Variants in MAP2K2 observed in about 807,000 individuals in gnomAD.
The protein encoded by MAP2K2 is dual specificity mitogen-activated protein kinase kinase 2.
A neutral mutation model predicts 43.7 loss-of-function variants in MAP2K2; 24 were observed. That is an observed-to-expected ratio of 0.55 (90% confidence interval 0.40 to 0.77). The LOEUF (loss-of-function observed/expected upper bound fraction) is 0.77. Ranked by LOEUF, MAP2K2 falls within the 30% of genes least tolerant of loss-of-function variation. The pLI is 0.00. For synonymous variants in MAP2K2, 244 were observed against 239.7 expected, an observed-to-expected ratio of 1.02 and a Z score of -0.17; for missense variants, 470 against 566.8, an observed-to-expected ratio of 0.83 and a Z score of 1.73.
Position 4,101,724 on chromosome 19 carries a change from C to T in MAP2K2, c.529-444G>A, listed in dbSNP as rs1342497896. ...AAGGACGATGTTTCCCCCAGGCCCGCCCTGGAAGCAGCATCCCGAGAAGTG... is the reference window on the plus strand; with the variant it reads ...AAGGACGATGTTTCCCCCAGGCCCGTCCTGGAAGCAGCATCCCGAGAAGTG... On this transcript the variant is annotated intron_variant, in intron 4 of 10. Transcript: ENST00000262948. The surrounding 1 kb of genome is among the most constrained non-coding windows in gnomAD (Gnocchi z 6.3). Among the ~76,000 whole-genome samples, 1 of 152,146 alleles carries T rather than the reference C, an allele frequency of 6.6e-6. No homozygotes were observed. Among genetic ancestry groups the T allele is most frequent in the Non-Finnish European group, 1.5e-5 (1 of 68,010 alleles).
chr19:4,117,929 TTTTTC>T (rs1202184282), intron 1 of MAP2K2, among the ~76,000 whole-genome samples: 1 of 152,006 alleles, frequency 6.6e-6, no homozygotes, highest in African/African-American at 2.4e-5. Flanking sequence ...AGCCTCCGTC[TTTTTC>T]TTTTCTTTTT....
chr19:4,123,234 G>A (rs2041323411), intron 1 of MAP2K2, among the ~76,000 whole-genome samples: 1 of 149,404 alleles, frequency 6.7e-6, no homozygotes, highest in African/African-American at 2.5e-5. Flanking sequence ...TTCTCTCCTT[G>A]GGGACACCCC....
chr19:4,094,591 G>A (rs1359643726), intron 9 of MAP2K2, 93 bp from the exon 10 acceptor site: 8 of 1,193,602 alleles, frequency 6.7e-6, no homozygotes, highest in Non-Finnish European at 9.7e-6. Context: ...TGTGGGCCGT[G>A]GTCGGAGGGG....
chr19:4,122,964 C>A (rs551163490), intron 1 of MAP2K2, among the ~76,000 whole-genome samples: 2 of 150,850 alleles, frequency 1.3e-5, no homozygotes, highest in East Asian at 4.0e-4. Context: ...CCCTCTGGAG[C>A]CCCCTTGCCC....
At chr19:4,123,747 T>A (rs2041334266) in intron 1 of MAP2K2, 37 bp downstream of exon 1, 1 of 1,444,788 alleles carries the variant, frequency 6.9e-7, no homozygotes, top group Non-Finnish European at 9.2e-7. Context: ...CCCTGCCCCG[T>A]GCACCCCAAG....
rs530689818 is a variant in MAP2K2, at chr19:4,114,687, G to A, written c.303+2732C>T. On this transcript the variant is annotated intron_variant, in intron 2 of 10. Transcript: ENST00000262948. ...GACTGGGCCAGGCGCGGTGGCTCAC[G>A]CCTGTAATCCCAGCAATCTGGGAGG... Among the ~76,000 whole-genome samples, 8 of 152,296 alleles carry A rather than the reference G, an allele frequency of 5.3e-5. No individual in the cohort carries two copies. The East Asian group carries it at 5.8e-4, about 11-fold the overall frequency.
intron 1 of MAP2K2, among the ~76,000 whole-genome samples, chr19:4,119,460 C>T (rs1042756931): frequency 6.6e-6 from 1 of 152,100 alleles, no homozygotes; most frequent in Non-Finnish European, 1.5e-5. Context: ...GGGTTCAAGC[C>T]ACCTGCCCAC....
At chr19:4,105,271 T>C (rs1342936431) in intron 3 of MAP2K2, among the ~76,000 whole-genome samples, 1 of 143,902 alleles carries the variant, frequency 6.9e-6, no homozygotes, top group Non-Finnish European at 1.5e-5. Context: ...TTTTTCTTTC[T>C]TTTTTTTTTT....
intron 2 of MAP2K2, among the ~76,000 whole-genome samples, chr19:4,112,843 T>C (rs578048162): frequency 6.6e-6 from 1 of 152,122 alleles, no homozygotes; most frequent in African/African-American, 2.4e-5. Flanking sequence ...AACTGAGAGG[T>C]GCTGGTGCTC....
intron 1 of MAP2K2, among the ~76,000 whole-genome samples, chr19:4,122,247 G>A (rs190021088): frequency 1.6e-3 from 21 of 12,776 alleles, no homozygotes; most frequent in Admixed American, 3.6e-3. Context: ...CCCCCATAGG[G>A]ACCCTCCCAC....
rs2145049814 is a variant in MAP2K2 at position 4,099,257 on chromosome 19, T to C, written c.863A>G (p.Glu288Gly). The change falls in exon 7 of 11, where the codon GAA becomes GGA. Residue 288 changes from glutamate to glycine, a missense_variant. By Grantham distance (98) the Glu-to-Gly change is moderately conservative. Around this residue, in one of 3 missense-constraint regions of MAP2K2, gnomAD observed 212 missense variants for 220.8 expected, o/e 0.96. Transcript: ENST00000262948. ...IFGRPVVDGE[E>G]GEPHSISPRP... Reference sequence around the variant, plus strand: ...AGGCGAGATGCTGTGAGGCTCTCCTTCTTCCCCGTCGACCACGGGCCGGCC... The same window carrying C: ...AGGCGAGATGCTGTGAGGCTCTCCTCCTTCCCCGTCGACCACGGGCCGGCC... The C allele has an allele frequency of 1.2e-6, 2 of 1,605,864 alleles. No homozygotes were observed. The highest frequency in any genetic ancestry group is 1.7e-6 in the Non-Finnish European group (2 of 1,176,776).
At chr19:4,105,952 T>C (rs1480955062) in intron 3 of MAP2K2, among the ~76,000 whole-genome samples, 1 of 152,160 alleles carries the variant, frequency 6.6e-6, no homozygotes, top group Non-Finnish European at 1.5e-5. Flanking sequence ...AGTGAGCACC[T>C]GGCCCCCGCA....
chr19:4,090,410 AC>A lies in MAP2K2; in HGVS notation c.*187del, dbSNP rs1264571851. On this transcript the variant is annotated 3_prime_UTR_variant, in exon 11 of 11. Transcript: ENST00000262948. ...AGCAGCGTCGCCCGTCCCCAGAGGC[AC>A]CCCGGCCAGGACGGGCAGGAGAGGA... The A allele has an allele frequency of 4.7e-6, 3 of 637,120 alleles. No homozygotes were observed. The highest frequency in any genetic ancestry group is 8.5e-6 in the Non-Finnish European group (3 of 352,104). The allele number at this position is 637,120 out of a possible 1,614,324, so 39.5% of individuals were successfully genotyped here.
At chr19:4,100,232 T>A in intron 6 of MAP2K2, 1 of 151,048 alleles carries the variant, frequency 6.6e-6, no homozygotes, top group Non-Finnish European at 1.5e-5. Context: ...GGTGAGAGTG[T>A]GAGACTGTGT....
intron 3 of MAP2K2, chr19:4,102,922 C>T (rs350908): frequency 0.45 from 514,440 of 1,137,136 alleles, 117,305 homozygotes; most frequent in East Asian, 0.64. Context: ...GGTGAGGGCG[C>T]GGAGGAGACG....
chr19:4,095,240 G>GA, intron 9 of MAP2K2, 148 bp downstream of exon 9: 1 of 680,364 alleles, frequency 1.5e-6, no homozygotes, highest in Non-Finnish European at 2.5e-6. Flanking sequence ...CTGGGAAAAG[G>GA]AATCTGGCTT....
Position 4,099,314 on chromosome 19 carries a change from G to C in MAP2K2, c.806C>G (p.Pro269Arg), listed in dbSNP as rs368064728. 1.2e-5 allele frequency: 19 copies of C among 1,607,660 alleles called. No individual in the cohort carries two copies. Among genetic ancestry groups the C allele is most frequent in the Non-Finnish European group, 1.4e-5 (17 of 1,177,402 alleles). ...GGCCTCCAGCTCTTTGGCGTCGGGCGGGGGGATGGGGTACCTTCCGACGGC... is the reference window on the plus strand; with the variant it reads ...GGCCTCCAGCTCTTTGGCGTCGGGCCGGGGGATGGGGTACCTTCCGACGGC... ...ELAVGRYPIP[P>R]PDAKELEAIF... The change falls in exon 7 of 11, where the codon CCG becomes CGG. Residue 269 changes from proline to arginine, a missense_variant. Pro to Arg is a moderately radical substitution (Grantham distance 103). Transcript: ENST00000262948.
intron 1 of MAP2K2, among the ~76,000 whole-genome samples, chr19:4,122,991 G>A (rs2041319923): frequency 6.7e-6 from 1 of 149,102 alleles, no homozygotes; most frequent in Admixed American, 6.7e-5. Context: ...CCTCCTCAGG[G>A]GCTGCCTGAC....
chr19:4,116,702 C>A (rs932472476), intron 2 of MAP2K2, among the ~76,000 whole-genome samples: 1 of 151,454 alleles, frequency 6.6e-6, no homozygotes, highest in East Asian at 2.0e-4. Flanking sequence ...CCGAGGCAGG[C>A]GGATCACCTG....
Sources: gnomAD v4.1 joint callset for allele counts (sites outside exome capture counted in the v4.1 genomes callset) on GRCh38, gnomAD v4.1.1 for gene constraint, gnomAD v4.1.1 regional missense constraint, Gnocchi (gnomAD v3.1) non-coding constraint, MANE v1.5 for transcripts, NCBI Gene and HGNC (gene_info 2026-07-23, HGNC 2026-07-21) for gene names.